ETV3: variants seen among roughly 807,000 people sequenced by gnomAD.
The protein encoded by ETV3 is ETS translocation variant 3.
In ETV3, 8 loss-of-function variants were observed where a neutral mutation model predicts 33.0. That is an observed-to-expected ratio of 0.24 (90% CI 0.14 to 0.44). The LOEUF (loss-of-function observed/expected upper bound fraction) is 0.44, where lower values mean the gene tolerates loss of function less well. ETV3 is among the 20% of genes least tolerant of loss of function. The pLI, the probability that ETV3 is intolerant of heterozygous loss-of-function variation, is 1.00. For synonymous variants in ETV3, 222 were observed against 238.9 expected (o/e 0.93, Z 0.65); for missense variants, 473 against 652.3 (o/e 0.73, Z 2.99).
In ETV3 at chr1:157,121,592, C is replaced by G. The variant is rs1674711306; in HGVS notation, c.*3249G>C. 2 of 152,048 alleles carry G rather than the reference C, an allele frequency of 1.3e-5. No homozygotes were observed. The highest frequency in any genetic ancestry group is 4.1e-4 in the South Asian group (2 of 4,830). The allele number at this position is 152,048 out of a possible 1,614,324, so 9.4% of individuals were successfully genotyped here. A position where few individuals can be genotyped will look rare whatever the true frequency, so the allele number is the denominator to read the frequency against. On this transcript the variant is annotated 3_prime_UTR_variant, in exon 5 of 5. Transcript: ENST00000368192. The stretch of plus-strand genomic sequence containing the variant: ...ACTTTTTATCCCCCTAAGAAGAAAC[C>G]AAGAATGGAACAGTTCTTGAAAGAT...
chr1:157,127,785 G>A (rs999532903), intron 4 of ETV3, among the ~76,000 whole-genome samples: 3 of 152,080 alleles, frequency 2.0e-5, no homozygotes, highest in Non-Finnish European at 4.4e-5. Flanking sequence ...GGCCTCAAAC[G>A]ATAAACTTGC....
At position 157,125,530 on chromosome 1, in the gene ETV3, G is replaced by C. The variant is rs747376820; in HGVS notation, c.850C>G (p.Pro284Ala). 1 of 1,552,122 alleles carries C rather than the reference G, an allele frequency of 6.4e-7. No homozygotes were observed. The highest frequency in any genetic ancestry group is 1.2e-5 in the South Asian group (1 of 84,058). The change falls in exon 5 of 5, where the codon CCT (proline) becomes GCT (alanine). Residue 284 changes from proline to alanine, a missense_variant. Pro to Ala is a conservative substitution (Grantham distance 27). Coordinates refer to ENST00000368192, the MANE Select transcript of ETV3 (RefSeq NM_001145312.3). The surrounding 1 kb of genome is among the most constrained non-coding windows in gnomAD (Gnocchi z 4.0). ...FSYSPSPGLS[P>A]FTSSSCFSFN... is the part of the protein sequence containing the mutation. ...GAGAAGCAGCTGCTGCTGGTGAAAG[G>C]GCTCAGGCCTGGTGATGGGCTATAG...
At position 157,122,567 on chromosome 1, in the gene ETV3, T is replaced by C. The variant is rs764421489; in HGVS notation, c.*2274A>G. 6.6e-6 allele frequency: 1 copy of C among 151,966 alleles called. No homozygotes were observed. The highest frequency in any genetic ancestry group is 1.5e-5 in the Non-Finnish European group (1 of 68,004). 9.4% of individuals were successfully genotyped at this position (151,966 alleles called of 1,614,324 possible). A position where few individuals can be genotyped will look rare whatever the true frequency, so the allele number is the denominator to read the frequency against. ...ATTCTGGCACTTGGGTTCTAGGGGGTTACAGGTATGCATCATGGATTCTTC... is the reference window on the plus strand; with the variant it reads ...ATTCTGGCACTTGGGTTCTAGGGGGCTACAGGTATGCATCATGGATTCTTC... On this transcript the variant is annotated 3_prime_UTR_variant, in exon 5 of 5. Transcript: ENST00000368192.
chr1:157,132,884 A>G (rs1675001475), intron 4 of ETV3, among the ~76,000 whole-genome samples: 1 of 152,066 alleles, frequency 6.6e-6, no homozygotes, highest in Non-Finnish European at 1.5e-5. Context: ...TCTGCAATGG[A>G]TCTCAACATT....
At position 157,123,981 on chromosome 1, in the gene ETV3, A is replaced by C. The variant is rs879643455; in HGVS notation, c.*860T>G. ...TTGTTTTTCATCTGTTTTGTATTTA[A>C]AGGCATTGGGTTACTTCCTCCTGCC... On this transcript the variant is annotated 3_prime_UTR_variant, in exon 5 of 5. Coordinates refer to ENST00000368192, the MANE Select transcript of ETV3 (RefSeq NM_001145312.3). 4 of 152,170 alleles carry C rather than the reference A, an allele frequency of 2.6e-5. No individual in the cohort carries two copies. Among genetic ancestry groups the C allele is most frequent in the Non-Finnish European group, 5.9e-5 (4 of 68,026 alleles). 9.4% of individuals were successfully genotyped at this position (152,170 alleles called of 1,614,324 possible).
chr1:157,128,552 C>T (rs1674896045), intron 4 of ETV3: 2 of 251,656 alleles, frequency 7.9e-6, no homozygotes, highest in Admixed American at 7.7e-5. Flanking sequence ...GAGAGGATAC[C>T]GATGGAGTAT....
intron 4 of ETV3, among the ~76,000 whole-genome samples, chr1:157,129,661 T>TA (rs1674924676): frequency 6.6e-6 from 1 of 152,196 alleles, no homozygotes; most frequent in Non-Finnish European, 1.5e-5. Flanking sequence ...TGTATTCTTC[T>TA]ACTAGCTTAT....
intron 4 of ETV3, among the ~76,000 whole-genome samples, chr1:157,127,859 T>C (rs1235165226): frequency 1.3e-5 from 2 of 152,136 alleles, no homozygotes; most frequent in Admixed American, 1.3e-4. Context: ...TCAACTTTAG[T>C]GGCTCACAGT....
chr1:157,127,458 C>T (rs1674868887), intron 4 of ETV3, among the ~76,000 whole-genome samples: 1 of 152,170 alleles, frequency 6.6e-6, no homozygotes. Flanking sequence ...GGAGAAAATC[C>T]AGGACCTACT....
intron 4 of ETV3, among the ~76,000 whole-genome samples, chr1:157,132,140 G>C (rs1674982119): frequency 6.6e-6 from 1 of 152,184 alleles, no homozygotes; most frequent in African/African-American, 2.4e-5. Flanking sequence ...AGACATGGGG[G>C]TTTCCCCATG....
At position 157,128,857 on chromosome 1, in the gene ETV3, T is replaced by G. The variant is rs1342054494; in HGVS notation, c.401-2878A>C. Among the ~76,000 whole-genome samples, 3 of 152,228 alleles carry G rather than the reference T, an allele frequency of 2.0e-5. No individual in the cohort carries two copies. The East Asian group carries it at 5.8e-4, about 29-fold the overall frequency. On this transcript the variant is annotated intron_variant, in intron 4 of 4. Coordinates refer to ENST00000368192, the MANE Select transcript of ETV3 (RefSeq NM_001145312.3). ...ATGAATATGTTTGGCTTTTGGAATT[T>G]TAACGGTAATTCCGATTTAGTAAAT...
intron 1 of ETV3, among the ~76,000 whole-genome samples, chr1:157,137,467 A>G (rs1181733871): frequency 6.6e-6 from 1 of 151,650 alleles, no homozygotes; most frequent in Non-Finnish European, 1.5e-5. Context: ...CTAGCGGCCG[A>G]GGACAAGATA....
At position 157,125,617 on chromosome 1, in the gene ETV3, G is replaced by A. The variant is rs1382857377; in HGVS notation, c.763C>T (p.Arg255Cys). The change falls in exon 5 of 5, where the codon CGC (arginine) becomes TGC (cysteine). Residue 255 changes from arginine to cysteine, a missense_variant. Around this residue, in one of 3 missense-constraint regions of ETV3, gnomAD observed 410 missense variants for 520.2 expected, o/e 0.79. Coordinates refer to ENST00000368192, the MANE Select transcript of ETV3 (RefSeq NM_001145312.3). The surrounding 1 kb of genome is among the most constrained non-coding windows in gnomAD (Gnocchi z 4.0). ...ATGGGGACATTAAGGACACCTCCGC[G>A]GCCAGGGATTGGAGAGACAGCGAAG... ...SPFAVSPIPG[R>C]GGVLNVPISP... 10 of 1,551,646 alleles carry A rather than the reference G, an allele frequency of 6.4e-6. No homozygotes were observed. In the African/African-American group the frequency reaches 6.8e-5, roughly 11 times the overall value.
chr1:157,131,397 C>G (rs930719528), intron 4 of ETV3, among the ~76,000 whole-genome samples: 1 of 152,230 alleles, frequency 6.6e-6, no homozygotes, highest in Non-Finnish European at 1.5e-5. Flanking sequence ...CCTCCAGGAT[C>G]TAAATCCACA....
chr1:157,125,638 C>G lies in ETV3; in HGVS notation c.742G>C (p.Ala248Pro). 6.4e-7 allele frequency: 1 copy of G among 1,551,614 alleles called. No homozygotes were observed. The highest frequency in any genetic ancestry group is 8.7e-7 in the Non-Finnish European group (1 of 1,146,992). The change falls in exon 5 of 5, where the codon GCT becomes CCT. Residue 248 changes from alanine to proline, a missense_variant. Ala to Pro is a conservative substitution (Grantham distance 27). This residue lies in a region of ETV3 where 410 missense variants were observed against 520.2 expected (regional missense o/e 0.79). Coordinates refer to ENST00000368192, the MANE Select transcript of ETV3 (RefSeq NM_001145312.3). This position sits in a 1 kb window ranked among gnomAD's most constrained non-coding sequence, Gnocchi z 4.0. The stretch of plus-strand genomic sequence containing the variant: ...CCGCGGCCAGGGATTGGAGAGACAG[C>G]GAAGGGACTGTGGGGGTCAGGGTAC... The part of the protein sequence containing the change: ...GMYPDPHSPF[A>P]VSPIPGRGGV...
intron 1 of ETV3, 136 bp from the exon 2 acceptor site, chr1:157,136,501 T>A: frequency 1.4e-6 from 1 of 740,650 alleles, no homozygotes; most frequent in East Asian, 2.8e-5. Flanking sequence ...CTTTCAAACA[T>A]GTCACCTCCA....
At chr1:157,137,689 G>A (rs1675153727) in intron 1 of ETV3, among the ~76,000 whole-genome samples, 1 of 151,898 alleles carries the variant, frequency 6.6e-6, no homozygotes, top group South Asian at 2.1e-4. Context: ...CCTAGGATGC[G>A]CTGTCAGATC....
At chr1:157,137,269 A>C (rs1675135931) in intron 1 of ETV3, among the ~76,000 whole-genome samples, 1 of 152,150 alleles carries the variant, frequency 6.6e-6, no homozygotes, top group African/African-American at 2.4e-5. Context: ...GCTGTTCCCC[A>C]GGGTGGATGA....
chr1:157,135,459 C>T lies in ETV3; in HGVS notation c.284+12G>A. 6.2e-7 allele frequency: 1 copy of T among 1,613,784 alleles called. No homozygotes were observed. The highest frequency in any genetic ancestry group is 8.5e-7 in the Non-Finnish European group (1 of 1,179,738). ...AATCTGTTAACACAGATTTGGGAAT[C>T]CTTTTCCTTACCTGAGGGCCCGGCT... On this transcript the variant is annotated intron_variant, in intron 3 of 4. Coordinates refer to ENST00000368192, the MANE Select transcript of ETV3 (RefSeq NM_001145312.3).
Sources: gnomAD v4.1 joint callset for allele counts (sites outside exome capture counted in the v4.1 genomes callset) on GRCh38, gnomAD v4.1.1 for gene constraint, gnomAD v4.1.1 regional missense constraint, Gnocchi (gnomAD v3.1) non-coding constraint, MANE v1.5 for transcripts, NCBI Gene and HGNC (gene_info 2026-07-23, HGNC 2026-07-21) for gene names.